The following SFI1 variants were observed in gnomAD, a reference collection of about 807,000 sequenced individuals.
SFI1 encodes protein SFI1 homolog.
In SFI1, 195 loss-of-function variants were observed where a neutral mutation model predicts 207.5. That is an observed-to-expected ratio of 0.94 (90% CI 0.84 to 1.06). SFI1 has a LOEUF of 1.06. Among genes scored for constraint, SFI1 ranks in the 50% least tolerant of loss-of-function variants. SFI1 has a pLI of 0.00. For missense variants in SFI1, 1,634 were observed against 1,588.0 expected (o/e 1.03, Z -0.49); for synonymous variants, 630 against 598.9 (o/e 1.05, Z -0.76).
At chr22:31,596,361 G>A (rs1463701559) in intron 15 of SFI1, among the ~76,000 whole-genome samples, 1 of 152,164 alleles carries the variant, frequency 6.6e-6, no homozygotes, top group African/African-American at 2.4e-5. Context: ...ACGAAGTCCA[G>A]GGAGATGGTT....
At chr22:31,529,552 C>T (rs780530959) in intron 3 of SFI1, among the ~76,000 whole-genome samples, 13 of 152,128 alleles carry the variant, frequency 8.5e-5, no homozygotes, top group Non-Finnish European at 1.5e-4. Context: ...TTATCTGGTG[C>T]TTACCCATGC....
At chr22:31,512,020 C>G (rs928858159) in intron 2 of SFI1, among the ~76,000 whole-genome samples, 2 of 151,960 alleles carry the variant, frequency 1.3e-5, no homozygotes, top group African/African-American at 4.8e-5. Flanking sequence ...CATTTTGAAA[C>G]AAACAATGTA....
intron 12 of SFI1, among the ~76,000 whole-genome samples, chr22:31,581,562 G>A (rs2064184505): frequency 1.3e-5 from 2 of 152,148 alleles, no homozygotes; most frequent in Non-Finnish European, 1.5e-5. Context: ...AAAGTGCTGG[G>A]ATTACAGACA....
At chr22:31,496,900 C>T (rs2052750217) in intron 1 of SFI1, among the ~76,000 whole-genome samples, 3 of 152,342 alleles carry the variant, frequency 2.0e-5, no homozygotes, top group South Asian at 2.1e-4. Flanking sequence ...TGTCTTCCGC[C>T]CTGGGGGCAC....
chr22:31,618,006 C>A (rs1430919374), intron 31 of SFI1, 109 bp from the exon 32 acceptor site: 2 of 1,273,648 alleles, frequency 1.6e-6, no homozygotes, highest in East Asian at 2.6e-5. Flanking sequence ...CAGACCACCT[C>A]TCTCCACCCG....
At chr22:31,616,086 G>A (rs1354111544) in intron 29 of SFI1, 1 of 152,330 alleles carries the variant, frequency 6.6e-6, no homozygotes, top group African/African-American at 2.4e-5. Context: ...AGAGAGGGGA[G>A]GAGGCTCCAA....
intron 14 of SFI1, among the ~76,000 whole-genome samples, chr22:31,588,574 G>C (rs1302611139): frequency 6.6e-6 from 1 of 152,174 alleles, no homozygotes. Context: ...CAGCACTTTG[G>C]GAGGCCAAGG....
chr22:31,602,519 A>G, intron 16 of SFI1, 88 bp from the exon 17 acceptor site: 1 of 1,478,050 alleles, frequency 6.8e-7, no homozygotes, highest in Non-Finnish European at 9.4e-7. Flanking sequence ...TGCCTTAGTC[A>G]TTATTTGTGG....
chr22:31,595,028 G>C (rs546605765), intron 15 of SFI1, among the ~76,000 whole-genome samples: 1 of 151,836 alleles, frequency 6.6e-6, no homozygotes, highest in South Asian at 2.1e-4. Flanking sequence ...TTGGAGTCTT[G>C]TCCTTTCGCC....
rs1491348905 is a variant in SFI1 at position 31,612,426 on chromosome 22, T to TATATATATAA, written c.2490+587_2490+588insTATATATAAA. On this transcript the variant is annotated intron_variant, in intron 24 of 32. Coordinates refer to ENST00000400288, the MANE Select transcript of SFI1 (RefSeq NM_001007467.3). ...ATATATATATATATATATATATATA[T>TATATATATAA]AATCAGTGGGCCGGGCATGATGGCT... 193 of 99,346 alleles carry TATATATATAA rather than the reference T, an allele frequency of 1.9e-3. 1 individual carries two copies. The highest frequency in any genetic ancestry group is 3.3e-3 in the South Asian group (8 of 2,408). 6.2% of individuals were successfully genotyped at this position (99,346 alleles called of 1,614,324 possible). A position where few individuals can be genotyped will look rare whatever the true frequency, so the allele number is the denominator to read the frequency against.
chr22:31,616,537 G>A (rs2071501146), intron 29 of SFI1: 1 of 476,682 alleles, frequency 2.1e-6, no homozygotes, highest in South Asian at 4.6e-5. Context: ...TTGCTTGCGG[G>A]ACTTTCCCCT....
Position 31,564,814 on chromosome 22 carries a change from A to ATTTTT in SFI1, c.765+3435_765+3439dup, listed in dbSNP as rs776647555. Among the ~76,000 whole-genome samples, 652 of 111,894 alleles carry ATTTTT rather than the reference A, an allele frequency of 5.8e-3. 39 individuals are homozygous for ATTTTT. Among genetic ancestry groups the ATTTTT allele is most frequent in the African/African-American group, 0.023 (596 of 26,326 alleles). 73.4% of individuals were successfully genotyped at this position (111,894 alleles called of 152,430 possible). ...CATGAGCCACCATGCCTGGCCCAGAATTTTTTTTTTTTTTTTTGAGACGGA... is the reference window on the plus strand; with the variant it reads ...CATGAGCCACCATGCCTGGCCCAGAATTTTTTTTTTTTTTTTTTTTTTGAGACGGA... On this transcript the variant is annotated intron_variant, in intron 8 of 32. Coordinates refer to ENST00000400288, the MANE Select transcript of SFI1 (RefSeq NM_001007467.3).
chr22:31,568,555 A>G (rs2062634149), intron 8 of SFI1, among the ~76,000 whole-genome samples: 1 of 150,688 alleles, frequency 6.6e-6, no homozygotes, highest in Admixed American at 6.6e-5. Flanking sequence ...AAAAAAAAAA[A>G]AGCATTAGAA....
At chr22:31,559,825 G>A (rs2061508888) in intron 7 of SFI1, 1 of 698,032 alleles carries the variant, frequency 1.4e-6, no homozygotes, top group Non-Finnish European at 2.7e-6. Flanking sequence ...AGCGACTGAA[G>A]AAGATTCAGG....
chr22:31,566,296 G>T (rs1386778529), intron 8 of SFI1, among the ~76,000 whole-genome samples: 1 of 151,814 alleles, frequency 6.6e-6, no homozygotes, highest in Non-Finnish European at 1.5e-5. Flanking sequence ...GTTTCACCAT[G>T]TTGGCCAGGC....
At chr22:31,604,270 A>G (rs1337927858) in intron 18 of SFI1, 39 bp from the exon 19 acceptor site, 1 of 1,523,528 alleles carries the variant, frequency 6.6e-7, no homozygotes, top group South Asian at 1.2e-5. Context: ...CCCAACTCAG[A>G]CCCCAGCCCA....
Position 31,580,280 on chromosome 22 carries a change from C to T in SFI1, c.1164C>T (p.Cys388=), listed in dbSNP as rs1438314145. ...GTCCTTTCTTTGCACAGTATTTTTGCTTTAGAGCCCTAAAAGACAATGTGA... is the reference window on the plus strand; with the variant it reads ...GTCCTTTCTTTGCACAGTATTTTTGTTTTAGAGCCCTAAAAGACAATGTGA... ...EHHRHSQLYF[C]FRALKDNVTH... is the part of the protein sequence containing the mutation. Residue 388 remains cysteine (C), a synonymous_variant, in exon 12 of 33, where the codon TGC becomes TGT. Transcript: ENST00000400288. The T allele has an allele frequency of 2.5e-6, 4 of 1,613,428 alleles. No individual in the cohort carries two copies. In the East Asian group the frequency reaches 8.9e-5, roughly 36 times the overall value.
At chr22:31,503,357 C>A (rs2054116235) in intron 1 of SFI1, among the ~76,000 whole-genome samples, 1 of 152,112 alleles carries the variant, frequency 6.6e-6, no homozygotes, top group Non-Finnish European at 1.5e-5. Context: ...GTGTGGTCCA[C>A]TTTCCTTTGG....
intron 12 of SFI1, among the ~76,000 whole-genome samples, chr22:31,582,225 TATATATATA>T (rs1569377222): frequency 3.1e-4 from 14 of 45,642 alleles, no homozygotes; most frequent in Non-Finnish European, 5.3e-4. Flanking sequence ...TATATATATA[TATATATATA>T]TATTTTTTTT....
Sources: allele counts gnomAD v4.1 joint callset (sites outside exome capture counted in the v4.1 genomes callset), GRCh38; gene constraint gnomAD v4.1.1; transcripts MANE v1.5; gene names NCBI Gene and HGNC (gene_info 2026-07-23, HGNC 2026-07-21).